The following CPSF3 variants were observed in gnomAD, a reference collection of about 807,000 sequenced individuals.
CPSF3 encodes cleavage and polyadenylation specific factor 3, also known as cleavage and polyadenylation specificity factor subunit 3.
In CPSF3, 57 loss-of-function variants were observed where a neutral mutation model predicts 84.1. The observed-to-expected ratio is 0.68, with a 90% CI of 0.55 to 0.85. CPSF3 has a LOEUF of 0.85. Ranked by LOEUF, CPSF3 falls within the 40% of genes least tolerant of loss-of-function variation. The pLI, the probability that CPSF3 is intolerant of heterozygous loss-of-function variation, is 0.00. For synonymous variants in CPSF3, 275 were observed against 278.1 expected, an observed-to-expected ratio of 0.99 and a Z score of 0.11; for missense variants, 522 against 838.8, an observed-to-expected ratio of 0.62 and a Z score of 4.66.
In CPSF3 at chr2:9,452,980, G is replaced by C; in HGVS notation, c.1463G>C (p.Arg488Thr). The C allele has an allele frequency of 6.2e-7, 1 of 1,611,474 alleles. No individual in the cohort carries two copies. The highest frequency in any genetic ancestry group is 8.5e-7 in the Non-Finnish European group (1 of 1,179,268). The change falls in exon 12 of 18, where the codon AGA (arginine) becomes ACA (threonine). Residue 488 changes from arginine to threonine, a missense_variant. Around this residue, in one of 2 missense-constraint regions of CPSF3, gnomAD observed 329 missense variants for 607.2 expected, o/e 0.54. Transcript: ENST00000238112. ...CGGGTCTCAGGAATACTTGTTAAAA[G>C]AAACTTTAATTATCACATACTTTCT... ...GQRVSGILVKRNFNYHILSPC... is the reference protein window; with the variant it reads ...GQRVSGILVKTNFNYHILSPC...
chr2:9,454,282 C>G (rs796894059), intron 12 of CPSF3, among the ~76,000 whole-genome samples: 1 of 152,178 alleles, frequency 6.6e-6, no homozygotes, highest in African/African-American at 2.4e-5. Flanking sequence ...GTGGCATGTG[C>G]CTGTAGTCCC....
At chr2:9,424,013 A>C in intron 1 of CPSF3, 190 bp downstream of exon 1, 1 of 1,337,692 alleles carries the variant, frequency 7.5e-7, no homozygotes. Flanking sequence ...CCTGCTATAG[A>C]GTGAACGGGA....
chr2:9,440,620 T>A lies in CPSF3; in HGVS notation c.890T>A (p.Ile297Asn). ...NAMNDKIRKQ[I>N]NINNPFVFKH... ...ATGAATGACAAAATCCGCAAACAGA[T>A]CAACATCAATAATCCCTTTGTTTTC... The change falls in exon 8 of 18, where the codon ATC becomes AAC. Residue 297 changes from isoleucine to asparagine, a missense_variant. Coordinates refer to ENST00000238112, the MANE Select transcript of CPSF3 (RefSeq NM_016207.4). 1.9e-6 allele frequency: 3 copies of A among 1,614,144 alleles called. No homozygotes were observed. The highest frequency in any genetic ancestry group is 2.5e-6 in the Non-Finnish European group (3 of 1,180,022).
chr2:9,465,572 C>A (rs944363374), intron 15 of CPSF3, among the ~76,000 whole-genome samples: 2 of 147,520 alleles, frequency 1.4e-5, no homozygotes, highest in African/African-American at 4.9e-5. Flanking sequence ...CACGCGCGCG[C>A]GTTTATATAT....
At chr2:9,437,307 G>A (rs182062895) in intron 7 of CPSF3, among the ~76,000 whole-genome samples, 3 of 152,114 alleles carry the variant, frequency 2.0e-5, no homozygotes, top group Non-Finnish European at 4.4e-5. Context: ...TGGAGGCTGG[G>A]GCATGAGAAT....
Position 9,457,040 on chromosome 2 carries a change from C to G in CPSF3, c.1698+13C>G, listed in dbSNP as rs1378029902. 2 of 1,461,642 alleles carry G rather than the reference C, an allele frequency of 1.4e-6. No individual in the cohort carries two copies. The highest frequency in any genetic ancestry group is 1.4e-5 in the African/African-American group (1 of 70,408). The allele number at this position is 1,461,642 out of a possible 1,614,324, so 90.5% of individuals were successfully genotyped here. On this transcript the variant is annotated intron_variant, in intron 14 of 17. Transcript: ENST00000238112. The stretch of plus-strand genomic sequence containing the variant: ...GGTGGTATTAGAAGTAAGAAAAGAT[C>G]ATTTACCTAAACAATGAGGGGAAAA...
intron 7 of CPSF3, 86 bp downstream of exon 7, chr2:9,436,447 A>G: frequency 7.4e-7 from 1 of 1,358,076 alleles, no homozygotes. Context: ...GAGTCATTCC[A>G]CCGTTCTGGA....
intron 5 of CPSF3, among the ~76,000 whole-genome samples, chr2:9,433,155 T>C (rs1449835908): frequency 6.6e-6 from 1 of 152,210 alleles, no homozygotes; most frequent in Admixed American, 6.5e-5. Context: ...CTTGAACTTC[T>C]GACAACGTGG....
At chr2:9,444,816 C>T (rs1681076256) in intron 10 of CPSF3, among the ~76,000 whole-genome samples, 1 of 152,078 alleles carries the variant, frequency 6.6e-6, no homozygotes, top group South Asian at 2.1e-4. Context: ...CAGGCACGTG[C>T]CACCACGCCC....
At chr2:9,447,749 G>A (rs1378559652) in intron 10 of CPSF3, among the ~76,000 whole-genome samples, 1 of 152,136 alleles carries the variant, frequency 6.6e-6, no homozygotes, top group Non-Finnish European at 1.5e-5. Context: ...CTACCCTCCA[G>A]CCTGGGCGAC....
intron 1 of CPSF3, among the ~76,000 whole-genome samples, chr2:9,426,758 A>G (rs1680406406): frequency 6.6e-6 from 1 of 152,002 alleles, no homozygotes; most frequent in Admixed American, 6.6e-5. Flanking sequence ...ACGGCTGCCA[A>G]GAGAACAAGA....
chr2:9,424,177 G>C (rs901859110), intron 1 of CPSF3: 75 of 1,038,422 alleles, frequency 7.2e-5, no homozygotes, highest in Non-Finnish European at 8.2e-5. Context: ...TGAGGGAGCC[G>C]GTGAAGCTTA....
chr2:9,466,208 G>A (rs4668621), intron 15 of CPSF3, among the ~76,000 whole-genome samples: 5 of 147,642 alleles, frequency 3.4e-5, no homozygotes, highest in East Asian at 2.1e-4. Context: ...ACACACACAC[G>A]CGCACACACG....
At chr2:9,451,108 A>G (rs1681315062) in intron 11 of CPSF3, among the ~76,000 whole-genome samples, 1 of 152,180 alleles carries the variant, frequency 6.6e-6, no homozygotes, top group Non-Finnish European at 1.5e-5. Flanking sequence ...AGTTTAGAAG[A>G]TGAATTGAAC....
intron 1 of CPSF3, among the ~76,000 whole-genome samples, chr2:9,428,190 G>A (rs1680456633): frequency 6.7e-6 from 1 of 149,720 alleles, no homozygotes; most frequent in Admixed American, 6.6e-5. Flanking sequence ...TAGAGACGGG[G>A]TTTCACCGTG....
chr2:9,466,695 A>G (rs1218961338), intron 15 of CPSF3, among the ~76,000 whole-genome samples: 2 of 152,190 alleles, frequency 1.3e-5, no homozygotes, highest in Non-Finnish European at 2.9e-5. Flanking sequence ...CAAAGCAACC[A>G]CTAATCTACT....
intron 15 of CPSF3, among the ~76,000 whole-genome samples, chr2:9,462,055 G>A (rs1454035855): frequency 5.9e-5 from 9 of 152,190 alleles, no homozygotes; most frequent in East Asian, 5.8e-4. Flanking sequence ...CCACCGTGCC[G>A]GGCCTAGGAG....
intron 7 of CPSF3, among the ~76,000 whole-genome samples, chr2:9,439,934 A>G (rs1680915392): frequency 6.6e-6 from 1 of 152,218 alleles, no homozygotes; most frequent in Non-Finnish European, 1.5e-5. Context: ...AGCCATGATC[A>G]TACCACTACC....
At chr2:9,443,118 G>A (rs895440147) in intron 9 of CPSF3, among the ~76,000 whole-genome samples, 2 of 152,112 alleles carry the variant, frequency 1.3e-5, no homozygotes, top group South Asian at 2.1e-4. Context: ...AGCTGAGATC[G>A]CACACTGCAT....
Sources: allele counts gnomAD v4.1 joint callset (sites outside exome capture counted in the v4.1 genomes callset), GRCh38; gene constraint gnomAD v4.1.1; regional missense constraint gnomAD v4.1.1; transcripts MANE v1.5; gene names NCBI Gene and HGNC (gene_info 2026-07-23, HGNC 2026-07-21).